The following RPS6KC1 variants were observed in gnomAD, a reference collection of about 807,000 sequenced individuals.
RPS6KC1 encodes the protein ribosomal protein S6 kinase C1, also known as inactive ribosomal protein S6 kinase delta-1.
RPS6KC1 carries 54 observed loss-of-function variants against 103.8 expected under a neutral mutation model. That is an observed-to-expected ratio of 0.52 (90% CI 0.42 to 0.65). The LOEUF (loss-of-function observed/expected upper bound fraction) is 0.65, where lower values mean the gene tolerates loss of function less well. Ranked by LOEUF, RPS6KC1 falls within the 30% of genes least tolerant of loss-of-function variation. The pLI, the probability that RPS6KC1 is intolerant of heterozygous loss-of-function variation, is 0.00. For missense variants in RPS6KC1, 1,151 were observed against 1,253.8 expected (o/e 0.92, Z 1.24); for synonymous variants, 439 against 438.7 (o/e 1.00, Z -0.01).
chr1:213,482,133 C>G, the RPS6KC1 span, among the ~76,000 whole-genome samples: 3 of 152,164 alleles, frequency 2.0e-5, no homozygotes, highest in Non-Finnish European at 4.4e-5. Flanking sequence ...TCTGCAGAAC[C>G]ATGAGACAAT....
the RPS6KC1 span, among the ~76,000 whole-genome samples, chr1:213,628,370 C>A: frequency 6.6e-6 from 1 of 152,096 alleles, no homozygotes; most frequent in African/African-American, 2.4e-5. Context: ...TTCAAAAAAC[C>A]AGCTCCTGGA....
the RPS6KC1 span, among the ~76,000 whole-genome samples, chr1:213,516,464 C>T: frequency 1.3e-5 from 2 of 151,768 alleles, no homozygotes; most frequent in South Asian, 4.2e-4. Context: ...TGTCAAAGGC[C>T]TTTTCTGCAT....
the RPS6KC1 span, among the ~76,000 whole-genome samples, chr1:213,773,605 G>A: frequency 6.6e-6 from 1 of 151,134 alleles, no homozygotes; most frequent in Non-Finnish European, 1.5e-5. Flanking sequence ...GATTTCTTAT[G>A]GGAAATTGCA....
At chr1:213,351,334 A>G in the RPS6KC1 span, among the ~76,000 whole-genome samples, 1 of 152,248 alleles carries the variant, frequency 6.6e-6, no homozygotes, top group Non-Finnish European at 1.5e-5. Flanking sequence ...AAAAGGCTTT[A>G]ATTGGTCAAG....
At chr1:213,691,789 C>T in the RPS6KC1 span, among the ~76,000 whole-genome samples, 1 of 152,068 alleles carries the variant, frequency 6.6e-6, no homozygotes, top group African/African-American at 2.4e-5. Flanking sequence ...AATCGTTCCT[C>T]CATCAGGAAG....
At chr1:213,852,378 C>G in the RPS6KC1 span, among the ~76,000 whole-genome samples, 13,413 of 151,904 alleles carry the variant, frequency 0.088, 2,019 homozygotes, top group African/African-American at 0.3. Context: ...GTGAACATAT[C>G]TTTACCTAAT....
At chr1:213,400,197 A>T in the RPS6KC1 span, among the ~76,000 whole-genome samples, 1 of 152,076 alleles carries the variant, frequency 6.6e-6, no homozygotes, top group African/African-American at 2.4e-5. Flanking sequence ...GGTAGATCCC[A>T]GGAAGGAAGG....
intron 7 of RPS6KC1, among the ~76,000 whole-genome samples, chr1:213,171,555 AAT>A (rs2091478970): frequency 1.3e-5 from 2 of 152,198 alleles, no homozygotes; most frequent in East Asian, 3.8e-4. Context: ...CTAAAGTGTG[AAT>A]ATGTTTTTAT....
At chr1:213,339,900 T>C in the RPS6KC1 span, among the ~76,000 whole-genome samples, 1 of 152,080 alleles carries the variant, frequency 6.6e-6, no homozygotes, top group Non-Finnish European at 1.5e-5. Flanking sequence ...CTGCCTTTTT[T>C]TTTTCTCTCA....
chr1:213,771,418 A>G, the RPS6KC1 span, among the ~76,000 whole-genome samples: 12 of 152,230 alleles, frequency 7.9e-5, no homozygotes, highest in Admixed American at 7.2e-4. Flanking sequence ...AGCAGGTTGT[A>G]TATTTCCACA....
At chr1:213,791,226 TGAG>T in the RPS6KC1 span, among the ~76,000 whole-genome samples, 4 of 152,136 alleles carry the variant, frequency 2.6e-5, no homozygotes, top group Non-Finnish European at 5.9e-5. Context: ...TGATATAGGC[TGAG>T]AATATAAGTA....
the RPS6KC1 span, among the ~76,000 whole-genome samples, chr1:213,708,454 T>C: frequency 6.6e-6 from 1 of 152,218 alleles, no homozygotes; most frequent in Non-Finnish European, 1.5e-5. Flanking sequence ...GATGGGTTTT[T>C]CTAAATAAAC....
At chr1:213,434,353 A>G in the RPS6KC1 span, among the ~76,000 whole-genome samples, 254 of 152,318 alleles carry the variant, frequency 1.7e-3, 1 homozygote, top group South Asian at 8.9e-3. Context: ...ACACCTTTAA[A>G]AAAAATTCCC....
chr1:213,407,467 A>G, the RPS6KC1 span, among the ~76,000 whole-genome samples: 2 of 152,156 alleles, frequency 1.3e-5, no homozygotes, highest in Admixed American at 1.3e-4. Flanking sequence ...CACAACCACA[A>G]TTTGGAAGGG....
At chr1:213,282,875 T>C in the RPS6KC1 span, among the ~76,000 whole-genome samples, 1 of 152,202 alleles carries the variant, frequency 6.6e-6, no homozygotes, top group Non-Finnish European at 1.5e-5. Context: ...ACATATGCTT[T>C]CATTATTTGA....
At chr1:213,761,136 C>G in the RPS6KC1 span, among the ~76,000 whole-genome samples, 2 of 151,824 alleles carry the variant, frequency 1.3e-5, no homozygotes, top group East Asian at 3.9e-4. Flanking sequence ...TGAGCTATTT[C>G]CCTTCTCATC....
chr1:213,714,372 A>G, the RPS6KC1 span, among the ~76,000 whole-genome samples: 3 of 152,278 alleles, frequency 2.0e-5, no homozygotes, highest in Non-Finnish European at 4.4e-5. Context: ...ATGCTCATTC[A>G]AATAGTCATT....
intron 7 of RPS6KC1, among the ~76,000 whole-genome samples, chr1:213,173,411 C>G (rs1279413438): frequency 6.6e-6 from 1 of 152,286 alleles, no homozygotes. Flanking sequence ...TGGGTTATTT[C>G]TCATAGAAAG....
the RPS6KC1 span, among the ~76,000 whole-genome samples, chr1:213,434,782 G>GTT: frequency 4.6e-5 from 7 of 151,220 alleles, no homozygotes; most frequent in Non-Finnish European, 4.4e-5. Context: ...ATAACTGACT[G>GTT]TTTTTTTTTC....
Sources: gnomAD v4.1 joint callset for allele counts (sites outside exome capture counted in the v4.1 genomes callset) on GRCh38, gnomAD v4.1.1 for gene constraint, MANE v1.5 for transcripts, NCBI Gene and HGNC (gene_info 2026-07-23, HGNC 2026-07-21) for gene names.